Variants in POU3F3 observed in about 807,000 individuals in gnomAD.
POU3F3 encodes the protein POU domain, class 3, transcription factor 3.
POU3F3 carries 1 observed loss-of-function variant against 8.6 expected under a neutral mutation model. The observed-to-expected ratio is 0.12, with a 90% confidence interval of 0.04 to 0.55. The LOEUF (loss-of-function observed/expected upper bound fraction) is 0.55, where lower values mean the gene tolerates loss of function less well. POU3F3 is among the 20% of genes least tolerant of loss of function. The pLI, the probability that POU3F3 is intolerant of heterozygous loss-of-function variation, is 0.91. For missense variants in POU3F3, 577 were observed against 690.7 expected (o/e 0.84, Z 1.84); for synonymous variants, 418 against 327.4 (o/e 1.28, Z -2.99).
At chr2:104,914,587 T>C in the POU3F3 span, among the ~76,000 whole-genome samples, 2 of 152,174 alleles carry the variant, frequency 1.3e-5, no homozygotes, top group African/African-American at 4.8e-5. Flanking sequence ...GTAGCCAAGA[T>C]CCCAGATGGA....
the POU3F3 span, among the ~76,000 whole-genome samples, chr2:104,915,816 G>A: frequency 1.3e-5 from 2 of 151,992 alleles, no homozygotes; most frequent in Non-Finnish European, 2.9e-5. Flanking sequence ...TGGAGTGTGG[G>A]TTCCTGGTGA....
At chr2:104,908,414 G>T in the POU3F3 span, among the ~76,000 whole-genome samples, 2 of 152,152 alleles carry the variant, frequency 1.3e-5, no homozygotes, top group Admixed American at 6.5e-5. Context: ...AAATAGCTGT[G>T]GATAAGAAGA....
At chr2:104,902,862 A>C in the POU3F3 span, among the ~76,000 whole-genome samples, 1 of 152,336 alleles carries the variant, frequency 6.6e-6, no homozygotes, top group East Asian at 1.9e-4. Context: ...CACCACACTG[A>C]GACAGGGCAA....
the POU3F3 span, among the ~76,000 whole-genome samples, chr2:104,886,248 G>A: frequency 2.0e-5 from 3 of 151,996 alleles, no homozygotes; most frequent in Admixed American, 2.0e-4. Context: ...ACAACATTTT[G>A]GTCAATGTCA....
the POU3F3 span, among the ~76,000 whole-genome samples, chr2:104,871,124 T>C: frequency 3.3e-5 from 5 of 152,164 alleles, no homozygotes; most frequent in Non-Finnish European, 7.3e-5. Context: ...GTCTGCCGGA[T>C]TATCAGAGTA....
chr2:104,883,067 C>T, the POU3F3 span, among the ~76,000 whole-genome samples: 1 of 152,352 alleles, frequency 6.6e-6, no homozygotes, highest in Middle Eastern at 3.4e-3. Flanking sequence ...GCAAACTCAC[C>T]TGGCAGGGAG....
chr2:104,916,137 G>A, the POU3F3 span, among the ~76,000 whole-genome samples: 106 of 152,156 alleles, frequency 7.0e-4, 2 homozygotes, highest in African/African-American at 2.5e-3. Flanking sequence ...CTCTAACACA[G>A]AAGACTGTCT....
chr2:104,893,714 T>C, the POU3F3 span, among the ~76,000 whole-genome samples: 1 of 151,796 alleles, frequency 6.6e-6, no homozygotes, highest in East Asian at 1.9e-4. Context: ...AAACCCCATG[T>C]CTACTAAAAA....
chr2:104,905,553 T>G, the POU3F3 span, among the ~76,000 whole-genome samples: 9 of 152,172 alleles, frequency 5.9e-5, no homozygotes, highest in Non-Finnish European at 1.2e-4. Flanking sequence ...AACTGGGTGG[T>G]TTAAAACAAC....
chr2:104,922,383 G>C, the POU3F3 span, among the ~76,000 whole-genome samples: 1 of 71,520 alleles, frequency 1.4e-5, no homozygotes, highest in African/African-American at 5.4e-5. Context: ...CAATTTTCTT[G>C]AAGATGCTCA....
At chr2:104,884,129 A>G in the POU3F3 span, among the ~76,000 whole-genome samples, 1 of 152,140 alleles carries the variant, frequency 6.6e-6, no homozygotes, top group Non-Finnish European at 1.5e-5. Context: ...AGAGTGGACT[A>G]TGGAAGGGGT....
chr2:104,861,016 A>G (rs1676650076), downstream of POU3F3, among the ~76,000 whole-genome samples: 1 of 151,986 alleles, frequency 6.6e-6, no homozygotes, highest in Non-Finnish European at 1.5e-5. Flanking sequence ...TAACAATTAA[A>G]TTTGTTTTTT....
At chr2:104,877,872 G>T in the POU3F3 span, among the ~76,000 whole-genome samples, 1 of 151,986 alleles carries the variant, frequency 6.6e-6, no homozygotes, top group African/African-American at 2.4e-5. Context: ...TGGCCAGGAT[G>T]ATCTCAATCT....
the POU3F3 span, among the ~76,000 whole-genome samples, chr2:104,907,394 CT>C: frequency 2.0e-5 from 3 of 152,152 alleles, no homozygotes; most frequent in African/African-American, 7.2e-5. Context: ...CCTAAAAAGC[CT>C]TGTGTATCTA....
chr2:104,867,026 C>A, the POU3F3 span: 2 of 152,254 alleles, frequency 1.3e-5, no homozygotes, highest in African/African-American at 4.8e-5. This position sits in a 1 kb window ranked among gnomAD's most constrained non-coding sequence, Gnocchi z 5.0. Context: ...GGCAGATTAC[C>A]CCCTCCTCTG....
chr2:104,920,712 A>G, the POU3F3 span, among the ~76,000 whole-genome samples: 1 of 152,196 alleles, frequency 6.6e-6, no homozygotes, highest in Non-Finnish European at 1.5e-5. Flanking sequence ...CTAGTATCAG[A>G]TTCTATTTTA....
At position 104,857,265 on chromosome 2, in the gene POU3F3, C is replaced by A; in HGVS notation, c.*252C>A. The A allele has an allele frequency of 4.2e-6, 1 of 238,008 alleles. No individual in the cohort carries two copies. Among genetic ancestry groups the A allele is most frequent in the Non-Finnish European group, 6.9e-6 (1 of 144,822 alleles). 14.7% of individuals were successfully genotyped at this position (238,008 alleles called of 1,614,324 possible). On this transcript the variant is annotated 3_prime_UTR_variant, in exon 1 of 1. Transcript: ENST00000361360. ...GGACCAAGGAGGCATTTTTGCAGTC[C>A]AAGGAAGGAGGGGCCAAAAAATAAA...
At chr2:104,874,914 T>C in the POU3F3 span, among the ~76,000 whole-genome samples, 1 of 152,214 alleles carries the variant, frequency 6.6e-6, no homozygotes, top group East Asian at 1.9e-4. Context: ...TGTGCAACCA[T>C]CACCATCATC....
chr2:104,880,267 A>G, the POU3F3 span, among the ~76,000 whole-genome samples: 1 of 152,174 alleles, frequency 6.6e-6, no homozygotes, highest in Non-Finnish European at 1.5e-5. Flanking sequence ...TCCTCGTGCC[A>G]GATTCTCCTT....
Sources: gnomAD v4.1 joint callset for allele counts (sites outside exome capture counted in the v4.1 genomes callset) on GRCh38, gnomAD v4.1.1 for gene constraint, Gnocchi (gnomAD v3.1) non-coding constraint, MANE v1.5 for transcripts, NCBI Gene and HGNC (gene_info 2026-07-23, HGNC 2026-07-21) for gene names.